ZNRF3: variants seen among roughly 807,000 people sequenced by gnomAD.
ZNRF3 encodes the protein zinc and ring finger 3, also known as E3 ubiquitin-protein ligase ZNRF3.
In ZNRF3, 23 loss-of-function variants were observed where a neutral mutation model predicts 72.5. That is an observed-to-expected ratio of 0.32 (90% CI 0.23 to 0.45). The LOEUF (loss-of-function observed/expected upper bound fraction) is 0.45, where lower values mean the gene tolerates loss of function less well. Ranked by LOEUF, ZNRF3 falls within the 20% of genes least tolerant of loss-of-function variation. ZNRF3 has a pLI of 1.00. For missense variants in ZNRF3, 1,169 were observed against 1,272.1 expected (o/e 0.92, Z 1.23); for synonymous variants, 610 against 545.3 (o/e 1.12, Z -1.65).
At chr22:28,989,328 G>A (rs997868711) in intron 2 of ZNRF3, among the ~76,000 whole-genome samples, 5 of 152,244 alleles carry the variant, frequency 3.3e-5, no homozygotes, top group Admixed American at 2.6e-4. Flanking sequence ...AGTGTAGGAG[G>A]TGCGATGAGT....
chr22:28,932,916 T>C (rs2034734079), intron 1 of ZNRF3, among the ~76,000 whole-genome samples: 1 of 152,222 alleles, frequency 6.6e-6, no homozygotes, highest in African/African-American at 2.4e-5. Flanking sequence ...GTCTGTTCTC[T>C]CTGATCTTTC....
At chr22:29,045,276 A>G (rs2037045352) in intron 5 of ZNRF3, among the ~76,000 whole-genome samples, 1 of 150,824 alleles carries the variant, frequency 6.6e-6, no homozygotes, top group Non-Finnish European at 1.5e-5. Flanking sequence ...TGGGAGGATC[A>G]CTTGAGCCTA....
At chr22:28,902,017 A>G (rs9625639) in intron 1 of ZNRF3, among the ~76,000 whole-genome samples, 2,236 of 147,632 alleles carry the variant, frequency 0.015, 63 homozygotes, top group African/African-American at 0.052. Flanking sequence ...GCTCACTGCA[A>G]CCTCCGCCTC....
chr22:28,919,559 A>G (rs1008302499), intron 1 of ZNRF3, among the ~76,000 whole-genome samples: 1 of 141,586 alleles, frequency 7.1e-6, no homozygotes, highest in Non-Finnish European at 1.5e-5. Flanking sequence ...TTTTTTTTTG[A>G]GACGGAGTCT....
chr22:28,915,595 T>C (rs1279553994), intron 1 of ZNRF3, among the ~76,000 whole-genome samples: 1 of 152,200 alleles, frequency 6.6e-6, no homozygotes, highest in Non-Finnish European at 1.5e-5. Context: ...TTATATGAGA[T>C]GGTTTTGAAG....
chr22:29,006,048 G>A (rs1019323424), intron 2 of ZNRF3, among the ~76,000 whole-genome samples: 1 of 150,896 alleles, frequency 6.6e-6, no homozygotes, highest in African/African-American at 2.4e-5. Context: ...AAAAAAAAAA[G>A]ACTGTCCTCT....
chr22:29,039,277 GTC>G (rs1047615919), intron 2 of ZNRF3, among the ~76,000 whole-genome samples: 2 of 152,172 alleles, frequency 1.3e-5, no homozygotes, highest in African/African-American at 2.4e-5. Flanking sequence ...CCTGAGGCAT[GTC>G]TCTCCTGGGA....
In ZNRF3 at chr22:29,050,794, A is replaced by G. The variant is rs1384964057; in HGVS notation, c.2613A>G (p.Gly871=). 2.5e-6 allele frequency: 4 copies of G among 1,608,008 alleles called. No individual in the cohort carries two copies. Among genetic ancestry groups the G allele is most frequent in the African/African-American group, 2.7e-5 (2 of 74,776 alleles). Residue 871 remains glycine (G), a synonymous_variant, in exon 8 of 9, where the codon GGA becomes GGG. Transcript: ENST00000544604. ...PDTPRPHRGL[G]ATREEERALC... ...CCCCACGGCCCCACAGGGGCCTGGG[A>G]GCAACCCGGGAAGAGGAGCGGGCTC...
chr22:28,962,933 A>AAAG (rs1386274395), intron 1 of ZNRF3, among the ~76,000 whole-genome samples: 65 of 152,360 alleles, frequency 4.3e-4, no homozygotes, highest in African/African-American at 1.5e-3. Flanking sequence ...TACCCTGAAC[A>AAAG]TCCTTTTGGA....
chr22:28,991,359 T>C (rs983448837), intron 2 of ZNRF3, among the ~76,000 whole-genome samples: 5 of 146,806 alleles, frequency 3.4e-5, no homozygotes, highest in Admixed American at 3.4e-4. Flanking sequence ...CTCCAAGGCT[T>C]AATAGTACAA....
At chr22:28,893,341 G>A (rs980700029) in intron 1 of ZNRF3, among the ~76,000 whole-genome samples, 10 of 152,000 alleles carry the variant, frequency 6.6e-5, no homozygotes, top group African/African-American at 2.2e-4. Context: ...TGTAGATACC[G>A]TATAGAGAAG....
At chr22:28,972,326 C>G (rs186682993) in intron 1 of ZNRF3, among the ~76,000 whole-genome samples, 186 of 152,364 alleles carry the variant, frequency 1.2e-3, no homozygotes, top group Non-Finnish European at 2.0e-3. Flanking sequence ...TCGACTGTCT[C>G]TGTCCTATTC....
At chr22:28,956,099 G>A (rs190231545) in intron 1 of ZNRF3, among the ~76,000 whole-genome samples, 1 of 152,274 alleles carries the variant, frequency 6.6e-6, no homozygotes, top group East Asian at 1.9e-4. Flanking sequence ...GTGCTGCAGA[G>A]ATGGCTGGCG....
chr22:29,031,690 G>T, intron 2 of ZNRF3: 5 of 952,088 alleles, frequency 5.3e-6, no homozygotes, highest in Non-Finnish European at 5.0e-6. Context: ...AGGACTCAAA[G>T]AGCCTGGGCT....
At chr22:29,040,632 G>T (rs942736847) in intron 2 of ZNRF3, among the ~76,000 whole-genome samples, 1 of 152,154 alleles carries the variant, frequency 6.6e-6, no homozygotes, top group Non-Finnish European at 1.5e-5. Context: ...CTAGCAATCT[G>T]GTGATGAAAC....
At chr22:28,968,460 A>G (rs1335938448) in intron 1 of ZNRF3, among the ~76,000 whole-genome samples, 7 of 152,206 alleles carry the variant, frequency 4.6e-5, no homozygotes, top group Admixed American at 4.6e-4. Context: ...CTGTAATCCC[A>G]GCACTTTGGG....
chr22:28,984,134 A>T (rs1347554354), intron 1 of ZNRF3, among the ~76,000 whole-genome samples: 6 of 151,372 alleles, frequency 4.0e-5, no homozygotes, highest in African/African-American at 1.5e-4. Flanking sequence ...TTTTTTTTAA[A>T]AAAAACCTTT....
At chr22:28,987,255 TC>T in intron 2 of ZNRF3, 54 bp downstream of exon 2, 1 of 1,573,268 alleles carries the variant, frequency 6.4e-7, no homozygotes, top group Non-Finnish European at 8.6e-7. Context: ...TTTCCACTCT[TC>T]CATTTCAGCA....
intron 5 of ZNRF3, among the ~76,000 whole-genome samples, chr22:29,046,129 C>T (rs929943934): frequency 6.6e-6 from 1 of 152,086 alleles, no homozygotes; most frequent in Non-Finnish European, 1.5e-5. Context: ...AGGAGAAACT[C>T]GGGTAGGGGG....
Sources: gnomAD v4.1 joint callset for allele counts (sites outside exome capture counted in the v4.1 genomes callset) on GRCh38, gnomAD v4.1.1 for gene constraint, MANE v1.5 for transcripts, NCBI Gene and HGNC (gene_info 2026-07-23, HGNC 2026-07-21) for gene names.